Variants in CMIP observed in about 807,000 individuals in gnomAD.
CMIP encodes c-Maf inducing protein.
In CMIP, 13 loss-of-function variants were observed where a neutral mutation model predicts 97.3. The observed-to-expected ratio is 0.13, with a 90% CI of 0.09 to 0.21. The LOEUF is 0.21. Ranked by LOEUF, CMIP falls within the 10% of genes least tolerant of loss-of-function variation. The pLI is 1.00. For synonymous variants in CMIP, 538 were observed against 436.3 expected, an observed-to-expected ratio of 1.23 and a Z score of -2.91; for missense variants, 847 against 1,024.9, an observed-to-expected ratio of 0.83 and a Z score of 2.37.
intron 1 of CMIP, among the ~76,000 whole-genome samples, chr16:81,524,355 GACAGAGAGAT>G (rs1207156909): frequency 6.6e-6 from 1 of 152,260 alleles, no homozygotes; most frequent in Non-Finnish European, 1.5e-5. Context: ...GTCTACAAGT[GACAGAGAGAT>G]ACAGAGAGAA....
rs1302775194 is a variant in CMIP, at chr16:81,706,693, G to A, written c.2198-321G>A. ...GGTTCCCTTAGTGGGGAGGCCTCGG[G>A]CCTGATCTGGGGTGTGGCAGGCAAG... On this transcript the variant is annotated intron_variant, in intron 19 of 20. Coordinates refer to ENST00000537098, the MANE Select transcript of CMIP (RefSeq NM_198390.3). Among the ~76,000 whole-genome samples, 4 of 152,198 alleles carry A rather than the reference G, an allele frequency of 2.6e-5. No homozygotes were observed. In the East Asian group the frequency reaches 7.7e-4, roughly 29 times the overall value.
At chr16:81,574,576 A>T (rs1292329056) in intron 1 of CMIP, among the ~76,000 whole-genome samples, 1 of 152,264 alleles carries the variant, frequency 6.6e-6, no homozygotes, top group East Asian at 1.9e-4. Flanking sequence ...CAGTCACTAA[A>T]AACAGTGACG....
chr16:81,681,980 G>A (rs950614251), intron 10 of CMIP, among the ~76,000 whole-genome samples: 2 of 150,030 alleles, frequency 1.3e-5, no homozygotes, highest in Non-Finnish European at 3.0e-5. Flanking sequence ...AGGCCGAGGC[G>A]GGGGAATTAC....
At chr16:81,678,684 TGCTGCTGGGTGCG>T in intron 10 of CMIP, 56 bp downstream of exon 10, 2 of 792,656 alleles carry the variant, frequency 2.5e-6, no homozygotes, top group Non-Finnish European at 4.1e-6. Flanking sequence ...GACTGGGCTT[TGCTGCTGGGTGCG>T]GCTGTGTTTG....
intron 1 of CMIP, among the ~76,000 whole-genome samples, chr16:81,537,724 G>GAACAC (rs1567566580): frequency 1.3e-5 from 2 of 151,572 alleles, no homozygotes; most frequent in African/African-American, 4.8e-5. Flanking sequence ...GAAAAGAAAA[G>GAACAC]AAATGCCCCA....
chr16:81,541,632 CTT>C (rs2090451154), intron 1 of CMIP, among the ~76,000 whole-genome samples: 1 of 152,186 alleles, frequency 6.6e-6, no homozygotes, highest in African/African-American at 2.4e-5. Context: ...GAACGGCTGT[CTT>C]TATGAAAGCT....
chr16:81,535,713 CTT>C (rs976080230), intron 1 of CMIP, among the ~76,000 whole-genome samples: 2 of 152,064 alleles, frequency 1.3e-5, no homozygotes, highest in African/African-American at 4.8e-5. Flanking sequence ...ATCAGTTGCC[CTT>C]GAGTGTTCAG....
chr16:81,652,082 C>G lies in CMIP; in HGVS notation c.478-121C>G. On this transcript the variant is annotated intron_variant, in intron 3 of 20. Transcript: ENST00000537098. This position sits in a 1 kb window ranked among gnomAD's most constrained non-coding sequence, Gnocchi z 5.2. ...AGTTTCCTTATAAACGGGGACTGGGCCAAGTTGTCAGTTTCTCAGGGCCCT... is the reference window on the plus strand; with the variant it reads ...AGTTTCCTTATAAACGGGGACTGGGGCAAGTTGTCAGTTTCTCAGGGCCCT... 2 of 735,014 alleles carry G rather than the reference C, an allele frequency of 2.7e-6. No individual in the cohort carries two copies. Among genetic ancestry groups the G allele is most frequent in the Admixed American group, 5.4e-5 (2 of 37,044 alleles). The allele number at this position is 735,014 out of a possible 1,614,324, so 45.5% of individuals were successfully genotyped here.
intron 20 of CMIP, among the ~76,000 whole-genome samples, chr16:81,709,486 C>T (rs1024215064): frequency 1.3e-5 from 2 of 152,182 alleles, no homozygotes; most frequent in Non-Finnish European, 2.9e-5. Context: ...CTTCCACCTG[C>T]GAAGACAGAG....
At chr16:81,599,251 T>C (rs2091617681) in intron 1 of CMIP, among the ~76,000 whole-genome samples, 1 of 152,072 alleles carries the variant, frequency 6.6e-6, no homozygotes, top group African/African-American at 2.4e-5. Flanking sequence ...AGAGGTCATA[T>C]TACCTGAGGG....
chr16:81,667,799 A>AGAGAGAGAGAGAGAGTGTGTGTGT lies in CMIP; in HGVS notation c.826-2342_826-2341insAGAGAGAGAGAGAGTGTGTGTGTG. ...GAGAGAGAGAGAGAGAGAGAGAGAG[A>AGAGAGAGAGAGAGAGTGTGTGTGT]GTGTGTGTGTGTGTGTGTGTGTGTG... On this transcript the variant is annotated intron_variant, in intron 7 of 20. Transcript: ENST00000537098. Among the ~76,000 whole-genome samples the AGAGAGAGAGAGAGAGTGTGTGTGT allele has an allele frequency of 2.1e-3, 122 of 58,110 alleles. 1 individual carries two copies. Among genetic ancestry groups the AGAGAGAGAGAGAGAGTGTGTGTGT allele is most frequent in the Non-Finnish European group, 3.2e-3 (99 of 31,268 alleles). 38.1% of individuals were successfully genotyped at this position (58,110 alleles called of 152,430 possible). A position where few individuals can be genotyped will look rare whatever the true frequency, so the allele number is the denominator to read the frequency against.
intron 1 of CMIP, among the ~76,000 whole-genome samples, chr16:81,525,280 G>A (rs7200347): frequency 0.053 from 7,947 of 151,230 alleles, 242 homozygotes; most frequent in Middle Eastern, 0.082. Flanking sequence ...AGTAGCTGGG[G>A]TTACAGGCAC....
At chr16:81,458,714 G>A (rs1464685542) in intron 1 of CMIP, among the ~76,000 whole-genome samples, 1 of 152,198 alleles carries the variant, frequency 6.6e-6, no homozygotes, top group Non-Finnish European at 1.5e-5. Context: ...GGTTGATTAG[G>A]AGGGCTGGCC....
intron 1 of CMIP, among the ~76,000 whole-genome samples, chr16:81,456,543 C>T (rs1419268357): frequency 6.6e-6 from 1 of 152,178 alleles, no homozygotes; most frequent in Non-Finnish European, 1.5e-5. Context: ...ACTACTAGAG[C>T]CCTTTGTGCA....
intron 3 of CMIP, among the ~76,000 whole-genome samples, chr16:81,639,225 A>C (rs1211753718): frequency 1.3e-5 from 2 of 152,228 alleles, no homozygotes; most frequent in Non-Finnish European, 2.9e-5. Flanking sequence ...CCCCGGCTGC[A>C]CCACATTCAG....
At chr16:81,709,329 T>C (rs1169315598) in intron 20 of CMIP, among the ~76,000 whole-genome samples, 1 of 152,160 alleles carries the variant, frequency 6.6e-6, no homozygotes, top group African/African-American at 2.4e-5. Context: ...TTTCTACATT[T>C]GGTATTTAAC....
chr16:81,560,887 A>G (rs998033044), intron 1 of CMIP, among the ~76,000 whole-genome samples: 2 of 152,208 alleles, frequency 1.3e-5, no homozygotes, highest in African/African-American at 4.8e-5. Flanking sequence ...AATACACTCT[A>G]TGATGTTCAC....
At chr16:81,611,822 C>G (rs2150948326) in intron 2 of CMIP, among the ~76,000 whole-genome samples, 1 of 152,338 alleles carries the variant, frequency 6.6e-6, no homozygotes. Context: ...GGGGAGCTGA[C>G]CTGATCCTTC....
chr16:81,515,928 G>C (rs751845185), intron 1 of CMIP, among the ~76,000 whole-genome samples: 1 of 152,144 alleles, frequency 6.6e-6, no homozygotes, highest in Non-Finnish European at 1.5e-5. Context: ...CAACTCCTCC[G>C]TGGCTCCAGC....
Sources: allele counts gnomAD v4.1 joint callset (sites outside exome capture counted in the v4.1 genomes callset), GRCh38; gene constraint gnomAD v4.1.1; non-coding constraint Gnocchi (gnomAD v3.1); transcripts MANE v1.5; gene names NCBI Gene and HGNC (gene_info 2026-07-23, HGNC 2026-07-21).